Variants in NDST4 observed in about 807,000 individuals in gnomAD.
NDST4 encodes N-deacetylase and N-sulfotransferase 4, also known as N-heparan sulfate sulfotransferase 4.
Under a neutral mutation model 100.8 loss-of-function variants are expected in NDST4, and 63 were observed. The observed-to-expected ratio is 0.62, with a 90% CI of 0.51 to 0.77. NDST4 has a LOEUF of 0.77. NDST4 is among the 30% of genes least tolerant of loss of function. The pLI is 0.00. For missense variants in NDST4, 943 were observed against 1,018.4 expected (o/e 0.93, Z 1.01); for synonymous variants, 377 against 361.8 (o/e 1.04, Z -0.48).
intron 7 of NDST4, among the ~76,000 whole-genome samples, chr4:114,854,960 G>A (rs1723761534): frequency 6.6e-6 from 1 of 151,924 alleles, no homozygotes; most frequent in Non-Finnish European, 1.5e-5. Context: ...TTGTCTTTTG[G>A]ACAAGATATG....
intron 6 of NDST4, among the ~76,000 whole-genome samples, chr4:114,896,315 C>T (rs1351136797): frequency 6.6e-6 from 1 of 151,980 alleles, no homozygotes; most frequent in Non-Finnish European, 1.5e-5. Flanking sequence ...AAGGTATCAT[C>T]ACCTGCTGTT....
chr4:114,848,509 A>G (rs28496574), intron 8 of NDST4, among the ~76,000 whole-genome samples, 171 bp from the exon 9 acceptor site: 2,703 of 152,318 alleles, frequency 0.018, 79 homozygotes, highest in African/African-American at 0.061. Flanking sequence ...TAAGTGTTCT[A>G]TTTTTAGTCT....
At position 114,942,239 on chromosome 4, in the gene NDST4, C is replaced by T. The variant is rs573426355; in HGVS notation, c.1222-4736G>A. On this transcript the variant is annotated intron_variant, in intron 4 of 13. Transcript: ENST00000264363. ...TAATTGTTTTTCAGTTCATGACTTA[C>T]GTTAAGCACTTTGCTAAGTACTGGG... 4.3e-3 allele frequency among the ~76,000 whole-genome samples: 649 copies of T among 152,226 alleles called. 7 individuals are homozygous for T. The highest frequency in any genetic ancestry group is 0.027 in the Middle Eastern group (8 of 294).
chr4:115,020,873 C>G (rs1727796176), intron 2 of NDST4, among the ~76,000 whole-genome samples: 1 of 152,036 alleles, frequency 6.6e-6, no homozygotes, highest in African/African-American at 2.4e-5. Context: ...TACCACCTTA[C>G]TCCTGCAAGA....
chr4:114,928,629 T>C (rs752634988), intron 6 of NDST4, among the ~76,000 whole-genome samples: 11 of 152,110 alleles, frequency 7.2e-5, no homozygotes, highest in Non-Finnish European at 1.5e-4. Flanking sequence ...GGTGTGTCCA[T>C]GAGGGTGTTT....
chr4:114,846,003 G>A lies in NDST4; in HGVS notation c.1941-6C>T. Reference sequence around the variant, plus strand: ...TAGGGAAAAAGTCCATATACCTGAAGGCAGAGAAAGACAATTAATTAATCT... The same window carrying A: ...TAGGGAAAAAGTCCATATACCTGAAAGCAGAGAAAGACAATTAATTAATCT... On this transcript the variant is annotated splice_region_variant and splice_polypyrimidine_tract_variant and intron_variant, in intron 9 of 13. Coordinates refer to ENST00000264363, the MANE Select transcript of NDST4 (RefSeq NM_022569.3). 1 of 1,566,722 alleles carries A rather than the reference G, an allele frequency of 6.4e-7. No homozygotes were observed. Among genetic ancestry groups the A allele is most frequent in the South Asian group, 1.2e-5 (1 of 86,718 alleles).
intron 2 of NDST4, among the ~76,000 whole-genome samples, chr4:115,007,657 A>G (rs1262899395): frequency 7.6e-6 from 1 of 132,198 alleles, no homozygotes; most frequent in Non-Finnish European, 1.6e-5. Context: ...GTTGGGAGAA[A>G]TGGGATATGA....
rs561469108 is a variant in NDST4 at position 114,840,918 on chromosome 4, CTTG to C, written c.2116-1373_2116-1371del. ...AAGTGGCATACACTTTTGAAGTTCT[CTTG>C]TTGTTGTATATTTATTGATATTTTT... On this transcript the variant is annotated intron_variant, in intron 10 of 13. Coordinates refer to ENST00000264363, the MANE Select transcript of NDST4 (RefSeq NM_022569.3). Among the ~76,000 whole-genome samples the C allele has an allele frequency of 2.5e-3, 382 of 152,138 alleles. 3 individuals are homozygous for C. The highest frequency in any genetic ancestry group is 8.7e-3 in the African/African-American group (360 of 41,500).
chr4:114,895,676 C>T (rs1724698313), intron 6 of NDST4, among the ~76,000 whole-genome samples: 1 of 152,006 alleles, frequency 6.6e-6, no homozygotes, highest in Non-Finnish European at 1.5e-5. Flanking sequence ...AGAAGAGACA[C>T]ACAAAAAAGG....
intron 2 of NDST4, among the ~76,000 whole-genome samples, chr4:114,979,748 AT>A (rs1357629418): frequency 2.0e-5 from 3 of 151,536 alleles, no homozygotes; most frequent in Non-Finnish European, 4.4e-5. Flanking sequence ...AGACCTTTTC[AT>A]TGTTGAAAAA....
intron 2 of NDST4, among the ~76,000 whole-genome samples, chr4:115,057,719 CACACACACACACACAG>C (rs1290989864): frequency 7.6e-4 from 89 of 116,408 alleles, no homozygotes; most frequent in African/African-American, 3.4e-3. Context: ...CACACACACA[CACACACACACACACAG>C]ACACACACAC....
chr4:114,832,560 T>A (rs1723223707), intron 12 of NDST4, among the ~76,000 whole-genome samples: 1 of 152,214 alleles, frequency 6.6e-6, no homozygotes, highest in Admixed American at 6.5e-5. Flanking sequence ...TATAAAAATA[T>A]ATGGTTTTAT....
intron 6 of NDST4, among the ~76,000 whole-genome samples, chr4:114,913,779 C>T (rs537518523): frequency 3.7e-4 from 56 of 149,570 alleles, no homozygotes; most frequent in African/African-American, 1.3e-3. Context: ...TTTTGCCCTT[C>T]AGTATAATGC....
chr4:114,986,898 G>A (rs1479987638), intron 2 of NDST4, among the ~76,000 whole-genome samples: 1 of 139,812 alleles, frequency 7.2e-6, no homozygotes, highest in Non-Finnish European at 1.5e-5. Context: ...AAATTTTTTT[G>A]TCTTGTAAAA....
intron 4 of NDST4, among the ~76,000 whole-genome samples, chr4:114,959,767 A>G (rs1381464771): frequency 2.6e-5 from 4 of 152,208 alleles, no homozygotes; most frequent in African/African-American, 7.2e-5. Context: ...AGGAAAAATG[A>G]ATGACCAGAG....
At chr4:114,993,297 A>G (rs1727080561) in intron 2 of NDST4, among the ~76,000 whole-genome samples, 1 of 151,938 alleles carries the variant, frequency 6.6e-6, no homozygotes, top group African/African-American at 2.4e-5. Flanking sequence ...ATCTATTTGG[A>G]CAATATCTGT....
intron 6 of NDST4, among the ~76,000 whole-genome samples, chr4:114,882,779 G>GC (rs1724398421): frequency 6.6e-6 from 1 of 151,750 alleles, no homozygotes; most frequent in South Asian, 2.1e-4. Flanking sequence ...GGAACATCAA[G>GC]CAGGATAAGT....
intron 2 of NDST4, among the ~76,000 whole-genome samples, chr4:115,027,452 T>C (rs1003964977): frequency 2.0e-5 from 3 of 152,108 alleles, no homozygotes; most frequent in Non-Finnish European, 4.4e-5. Flanking sequence ...TCACTGTATA[T>C]TTGAGGTGAT....
chr4:115,013,202 A>G (rs1053280205), intron 2 of NDST4, among the ~76,000 whole-genome samples: 1 of 151,334 alleles, frequency 6.6e-6, no homozygotes, highest in Non-Finnish European at 1.5e-5. Flanking sequence ...TAATAACCAA[A>G]CAAGTATAAT....
Sources: gnomAD v4.1 joint callset for allele counts (sites outside exome capture counted in the v4.1 genomes callset) on GRCh38, gnomAD v4.1.1 for gene constraint, MANE v1.5 for transcripts, NCBI Gene and HGNC (gene_info 2026-07-23, HGNC 2026-07-21) for gene names.